The following SORCS1 variants were observed in gnomAD, a reference collection of about 807,000 sequenced individuals.
SORCS1 encodes VPS10 domain-containing receptor SorCS1.
A neutral mutation model predicts 146.1 loss-of-function variants in SORCS1; 60 were observed. The observed-to-expected ratio is 0.41, with a 90% confidence interval of 0.33 to 0.51. The LOEUF is 0.51. Among genes scored for constraint, SORCS1 ranks in the 20% least tolerant of loss-of-function variants. The pLI, the probability that SORCS1 is intolerant of heterozygous loss-of-function variation, is 0.21. For missense variants in SORCS1, 1,352 were observed against 1,487.6 expected (o/e 0.91, Z 1.50); for synonymous variants, 637 against 584.0 (o/e 1.09, Z -1.31).
rs534335283 is a variant in SORCS1 at position 107,045,890 on chromosome 10, C to A, written c.559-89310G>T. Among the ~76,000 whole-genome samples the A allele has an allele frequency of 2.0e-5, 3 of 151,250 alleles. No homozygotes were observed. In the South Asian group the frequency reaches 6.3e-4, roughly 32 times the overall value. ...CTTTGAACGCCTGAGCTCAAGCAATCCTTCACACCTCAGTCTCCCAAGGAG... is the reference window on the plus strand; with the variant it reads ...CTTTGAACGCCTGAGCTCAAGCAATACTTCACACCTCAGTCTCCCAAGGAG... On this transcript the variant is annotated intron_variant, in intron 1 of 25. Coordinates refer to ENST00000263054, the MANE Select transcript of SORCS1 (RefSeq NM_052918.5).
intron 5 of SORCS1, among the ~76,000 whole-genome samples, chr10:106,760,815 G>A (rs899235461): frequency 1.3e-5 from 2 of 151,994 alleles, no homozygotes; most frequent in Non-Finnish European, 2.9e-5. Context: ...CACATGACAA[G>A]GGGAAGGCCG....
chr10:107,010,081 C>T (rs1043700489), intron 1 of SORCS1, among the ~76,000 whole-genome samples: 2 of 152,210 alleles, frequency 1.3e-5, no homozygotes, highest in Non-Finnish European at 2.9e-5. Context: ...ATCACTGCAT[C>T]AAACGTATTT....
At chr10:106,906,083 C>A (rs1016970983) in intron 2 of SORCS1, among the ~76,000 whole-genome samples, 7 of 152,128 alleles carry the variant, frequency 4.6e-5, no homozygotes, top group African/African-American at 7.2e-5. Flanking sequence ...TAAAGACATA[C>A]CCAAGACTGG....
At chr10:106,618,019 T>C (rs1379563739) in intron 21 of SORCS1, 130 bp downstream of exon 21, 3 of 1,216,434 alleles carry the variant, frequency 2.5e-6, no homozygotes, top group Non-Finnish European at 3.5e-6. Context: ...TCGCCTCAGC[T>C]CTTTCTCAAC....
At chr10:106,888,779 T>C (rs1951105260) in intron 2 of SORCS1, among the ~76,000 whole-genome samples, 1 of 152,250 alleles carries the variant, frequency 6.6e-6, no homozygotes, top group South Asian at 2.1e-4. Context: ...TATCCTCAGA[T>C]TGTAAGCTGG....
chr10:106,700,164 C>A (rs190807025), intron 8 of SORCS1, among the ~76,000 whole-genome samples: 3 of 152,294 alleles, frequency 2.0e-5, no homozygotes, highest in Admixed American at 1.3e-4. Context: ...GTTTTCAGAG[C>A]CTGTTTGTCC....
At chr10:106,943,267 C>A (rs1237760329) in intron 2 of SORCS1, among the ~76,000 whole-genome samples, 2 of 152,164 alleles carry the variant, frequency 1.3e-5, no homozygotes, top group Non-Finnish European at 2.9e-5. Flanking sequence ...CAAGCAGCAG[C>A]AACTCCAACT....
intron 1 of SORCS1, among the ~76,000 whole-genome samples, chr10:107,056,054 C>T (rs1045988801): frequency 6.6e-6 from 1 of 152,082 alleles, no homozygotes; most frequent in African/African-American, 2.4e-5. Flanking sequence ...TGACATTTGG[C>T]AGAAACAAAA....
intron 21 of SORCS1, among the ~76,000 whole-genome samples, chr10:106,613,579 G>A (rs1203437982): frequency 3.3e-5 from 5 of 152,112 alleles, no homozygotes; most frequent in Non-Finnish European, 7.4e-5. Context: ...AGCACTGGTG[G>A]CCTTGGTCAG....
chr10:106,945,832 C>T (rs1954311070), intron 2 of SORCS1, among the ~76,000 whole-genome samples: 1 of 152,168 alleles, frequency 6.6e-6, no homozygotes, highest in Non-Finnish European at 1.5e-5. Context: ...CAAGCTGAGG[C>T]CAGACTCTCA....
At chr10:106,950,619 A>G (rs1954630888) in intron 2 of SORCS1, among the ~76,000 whole-genome samples, 2 of 151,928 alleles carry the variant, frequency 1.3e-5, no homozygotes, top group Admixed American at 6.6e-5. Flanking sequence ...GTATATATAT[A>G]CACACAATAC....
intron 1 of SORCS1, among the ~76,000 whole-genome samples, chr10:107,016,886 A>T (rs1397827783): frequency 6.6e-6 from 1 of 152,256 alleles, no homozygotes; most frequent in African/African-American, 2.4e-5. Flanking sequence ...CAGGAGAGCT[A>T]AACAGCTAAT....
intron 13 of SORCS1, among the ~76,000 whole-genome samples, chr10:106,676,431 T>C (rs1852031122): frequency 6.6e-6 from 1 of 152,138 alleles, no homozygotes; most frequent in South Asian, 2.1e-4. Flanking sequence ...AAAATGGATA[T>C]GGATATTAAA....
chr10:106,808,297 C>T (rs941657398), intron 3 of SORCS1, among the ~76,000 whole-genome samples: 4 of 152,168 alleles, frequency 2.6e-5, no homozygotes, highest in Non-Finnish European at 4.4e-5. Context: ...GAATTACAGG[C>T]GTAAGCCACC....
chr10:107,125,206 C>A (rs1677540617), intron 1 of SORCS1, among the ~76,000 whole-genome samples: 1 of 152,148 alleles, frequency 6.6e-6, no homozygotes, highest in Non-Finnish European at 1.5e-5. Context: ...ACGCCTTGGC[C>A]TCAAAAAGTG....
rs543643108 is a variant in SORCS1, at chr10:106,639,191, TACTC to T, written c.2476-9807_2476-9804del. Among the ~76,000 whole-genome samples, 11 of 152,298 alleles carry T rather than the reference TACTC, an allele frequency of 7.2e-5. No individual in the cohort carries two copies. In the South Asian group the frequency reaches 2.3e-3, roughly 32 times the overall value. On this transcript the variant is annotated intron_variant, in intron 18 of 25. Coordinates refer to ENST00000263054, the MANE Select transcript of SORCS1 (RefSeq NM_052918.5). ...TGCAAAGCCAGAAGCCTGAGGAAGTTACTCACTCAGGCGAGGATTGCATGGTGTG... is the reference window on the plus strand; with the variant it reads ...TGCAAAGCCAGAAGCCTGAGGAAGTTACTCAGGCGAGGATTGCATGGTGTG...
intron 1 of SORCS1, among the ~76,000 whole-genome samples, chr10:107,015,542 G>A (rs563783511): frequency 6.6e-6 from 1 of 152,274 alleles, no homozygotes; most frequent in East Asian, 1.9e-4. Context: ...GAGAGTGACA[G>A]TTCTGGAATC....
chr10:106,935,566 G>A (rs1953672243), intron 2 of SORCS1, among the ~76,000 whole-genome samples: 1 of 152,172 alleles, frequency 6.6e-6, no homozygotes, highest in Non-Finnish European at 1.5e-5. Context: ...TCCAAAATAT[G>A]CAAGGATACC....
At chr10:107,014,285 AGAGAG>A (rs1957808450) in intron 1 of SORCS1, among the ~76,000 whole-genome samples, 1 of 146,426 alleles carries the variant, frequency 6.8e-6, no homozygotes, top group African/African-American at 2.6e-5. Flanking sequence ...AAAGAAAAAA[AGAGAG>A]AGAGAGAGAG....
Sources: gnomAD v4.1 joint callset for allele counts (sites outside exome capture counted in the v4.1 genomes callset) on GRCh38, gnomAD v4.1.1 for gene constraint, MANE v1.5 for transcripts, NCBI Gene and HGNC (gene_info 2026-07-23, HGNC 2026-07-21) for gene names.